Variants in KCNMB4 observed in about 807,000 individuals in gnomAD.
KCNMB4 encodes the protein potassium calcium-activated channel subfamily M regulatory beta subunit 4, also known as calcium-activated potassium channel subunit beta-4.
Under a neutral mutation model 20.7 loss-of-function variants are expected in KCNMB4, and 3 were observed. The ratio of observed to expected loss-of-function variants is 0.14; its 90% CI spans 0.07 to 0.37. KCNMB4 has a LOEUF of 0.37. KCNMB4 is among the 10% of genes least tolerant of loss of function. KCNMB4 has a pLI of 1.00. For missense variants in KCNMB4, 168 were observed against 265.9 expected (o/e 0.63, Z 2.56); for synonymous variants, 110 against 113.4 (o/e 0.97, Z 0.19).
At chr12:70,418,885 C>T (rs926694784) in intron 2 of KCNMB4, among the ~76,000 whole-genome samples, 9 of 152,170 alleles carry the variant, frequency 5.9e-5, no homozygotes, top group Non-Finnish European at 1.0e-4. Flanking sequence ...GATTTTTGCT[C>T]ACTGTGACTA....
intron 1 of KCNMB4, among the ~76,000 whole-genome samples, chr12:70,377,830 A>C (rs1042760032): frequency 1.3e-5 from 2 of 152,106 alleles, no homozygotes; most frequent in Non-Finnish European, 2.9e-5. Context: ...ATCTCAAGAA[A>C]CCACTTTCTT....
chr12:70,366,908 G>A lies in KCNMB4; in HGVS notation c.174G>A (p.Ser58=). The part of the protein sequence containing the change: ...QATEANCTVL[S]VQQIGEVFEC... Reference sequence around the variant, plus strand: ...CGGAGGCCAATTGCACGGTGCTGTCGGTGCAGCAGATCGGCGAGGTGTTCG... The same window carrying A: ...CGGAGGCCAATTGCACGGTGCTGTCAGTGCAGCAGATCGGCGAGGTGTTCG... The change falls in exon 1 of 3, where the codon TCG becomes TCA. Residue 58 remains serine (S), a synonymous_variant. Transcript: ENST00000258111. The A allele has an allele frequency of 6.2e-7, 1 of 1,613,418 alleles. No homozygotes were observed. The highest frequency in any genetic ancestry group is 8.5e-7 in the Non-Finnish European group (1 of 1,179,842).
In KCNMB4 at chr12:70,396,131, C is replaced by G. The variant is rs188408374; in HGVS notation, c.337-4078C>G. ...CATCAATTCCATTCCAATAAAAATA[C>G]TACACTGGTGCTCCAAGAGAGGGAT... On this transcript the variant is annotated intron_variant, in intron 1 of 2. Coordinates refer to ENST00000258111, the MANE Select transcript of KCNMB4 (RefSeq NM_014505.6). 3.9e-5 allele frequency among the ~76,000 whole-genome samples: 6 copies of G among 152,274 alleles called. No individual in the cohort carries two copies. The East Asian group carries it at 1.2e-3, about 29-fold the overall frequency.
rs1217065123 is a variant in KCNMB4 at position 70,397,804 on chromosome 12, A to G, written c.337-2405A>G. ...CTGTTTTGATTACATGTGGTTATGA[A>G]TTGTTCTTTCCTAACGCACTTAGTA... On this transcript the variant is annotated intron_variant, in intron 1 of 2. Transcript: ENST00000258111. Among the ~76,000 whole-genome samples the G allele has an allele frequency of 2.0e-5, 3 of 152,190 alleles. No homozygotes were observed. In the East Asian group the frequency reaches 5.8e-4, roughly 29 times the overall value.
intron 1 of KCNMB4, among the ~76,000 whole-genome samples, chr12:70,376,437 T>A (rs2136116937): frequency 6.6e-6 from 1 of 152,234 alleles, no homozygotes; most frequent in Non-Finnish European, 1.5e-5. Context: ...TTATATATAG[T>A]AACTCCTAAA....
At chr12:70,427,526 C>A (rs1033459823) in intron 2 of KCNMB4, among the ~76,000 whole-genome samples, 1 of 152,140 alleles carries the variant, frequency 6.6e-6, no homozygotes, top group Admixed American at 6.5e-5. Flanking sequence ...CCTCAAAGAA[C>A]GCTTTTGAAG....
At chr12:70,401,636 CTT>C (rs11382485) in intron 2 of KCNMB4, among the ~76,000 whole-genome samples, 7 of 139,924 alleles carry the variant, frequency 5.0e-5, no homozygotes, top group East Asian at 2.1e-4. Flanking sequence ...AGCAATGACA[CTT>C]TTTTTTTTTT....
At chr12:70,421,269 A>T (rs1449159675) in intron 2 of KCNMB4, among the ~76,000 whole-genome samples, 3 of 151,498 alleles carry the variant, frequency 2.0e-5, no homozygotes, top group Non-Finnish European at 4.4e-5. Flanking sequence ...AAGTTGGAGG[A>T]TTGCTTGAGT....
intron 1 of KCNMB4, among the ~76,000 whole-genome samples, chr12:70,377,459 A>G (rs562383170): frequency 5.3e-5 from 8 of 152,350 alleles, no homozygotes; most frequent in Middle Eastern, 3.4e-3. Flanking sequence ...GAAAAATGCT[A>G]GTAATGATCT....
intron 1 of KCNMB4, among the ~76,000 whole-genome samples, chr12:70,394,216 T>G (rs1488886489): frequency 6.6e-6 from 1 of 151,640 alleles, no homozygotes. Flanking sequence ...AATCTGTCAT[T>G]CCAAGGGCAG....
chr12:70,415,089 A>G (rs1203758711), intron 2 of KCNMB4, among the ~76,000 whole-genome samples: 1 of 152,226 alleles, frequency 6.6e-6, no homozygotes, highest in East Asian at 1.9e-4. Context: ...CCTCTGTACC[A>G]GAAACTATTT....
At chr12:70,419,302 C>T (rs1313756189) in intron 2 of KCNMB4, among the ~76,000 whole-genome samples, 2 of 152,238 alleles carry the variant, frequency 1.3e-5, no homozygotes, top group East Asian at 3.9e-4. Flanking sequence ...AAATGGCTCA[C>T]CCTTAAATTT....
chr12:70,426,075 A>G (rs904687872), intron 2 of KCNMB4, among the ~76,000 whole-genome samples: 12 of 152,002 alleles, frequency 7.9e-5, no homozygotes, highest in Non-Finnish European at 1.3e-4. Context: ...CGGGTGGATC[A>G]CAAGGTCAGG....
Position 70,410,314 on chromosome 12 carries a change from T to C in KCNMB4, c.464+9978T>C, listed in dbSNP as rs372015428. Among the ~76,000 whole-genome samples the C allele has an allele frequency of 3.9e-5, 6 of 152,372 alleles. No individual in the cohort carries two copies. In the South Asian group the frequency reaches 6.2e-4, roughly 16 times the overall value. On this transcript the variant is annotated intron_variant, in intron 2 of 2. Transcript: ENST00000258111. ...TACTATTATTAAGATTCACCTCAAA[T>C]GTTACTGTGTAACCTTCTCCCACCT...
At chr12:70,399,686 A>T (rs1868403558) in intron 1 of KCNMB4, among the ~76,000 whole-genome samples, 1 of 152,200 alleles carries the variant, frequency 6.6e-6, no homozygotes, top group African/African-American at 2.4e-5. Context: ...TACACTGATT[A>T]TGTATTTGAA....
intron 2 of KCNMB4, among the ~76,000 whole-genome samples, chr12:70,408,061 C>T (rs951452909): frequency 1.5e-4 from 23 of 152,146 alleles, no homozygotes; most frequent in South Asian, 4.1e-4. Context: ...TCCTTCAGAA[C>T]GGATACACAT....
Position 70,421,621 on chromosome 12 carries a change from G to A in KCNMB4, c.465-8864G>A, listed in dbSNP as rs191710554. Among the ~76,000 whole-genome samples, 498 of 150,278 alleles carry A rather than the reference G, an allele frequency of 3.3e-3. 3 individuals are homozygous for A. The highest frequency in any genetic ancestry group is 4.2e-3 in the Admixed American group (64 of 15,066). On this transcript the variant is annotated intron_variant, in intron 2 of 2. Coordinates refer to ENST00000258111, the MANE Select transcript of KCNMB4 (RefSeq NM_014505.6). ...TTTTGAGACAGAGTCTCGCTCTGTCGCCCAGGCTGGAGTGCAGTGGCGCAA... is the reference window on the plus strand; with the variant it reads ...TTTTGAGACAGAGTCTCGCTCTGTCACCCAGGCTGGAGTGCAGTGGCGCAA...
At chr12:70,369,910 C>T (rs1056847102) in intron 1 of KCNMB4, among the ~76,000 whole-genome samples, 5 of 152,162 alleles carry the variant, frequency 3.3e-5, no homozygotes, top group Non-Finnish European at 5.9e-5. Context: ...TTAACCATAG[C>T]AAAATCTAAA....
chr12:70,427,597 TTAAAA>T (rs750297353), intron 2 of KCNMB4, among the ~76,000 whole-genome samples: 2 of 152,208 alleles, frequency 1.3e-5, no homozygotes, highest in African/African-American at 2.4e-5. Flanking sequence ...ATTTAAGATA[TTAAAA>T]TAAAGTTTTA....
Sources: gnomAD v4.1 joint callset for allele counts (sites outside exome capture counted in the v4.1 genomes callset) on GRCh38, gnomAD v4.1.1 for gene constraint, MANE v1.5 for transcripts, NCBI Gene and HGNC (gene_info 2026-07-23, HGNC 2026-07-21) for gene names.